Variants in SLC45A4 observed in about 807,000 individuals in gnomAD.
SLC45A4 encodes solute carrier family 45 member 4.
SLC45A4 carries 32 observed loss-of-function variants against 63.7 expected under a neutral mutation model. That is an observed-to-expected ratio of 0.50 (90% CI 0.38 to 0.67). The LOEUF is 0.67. Among genes scored for constraint, SLC45A4 ranks in the 30% least tolerant of loss-of-function variants. SLC45A4 has a pLI of 0.00. For missense variants in SLC45A4, 1,027 were observed against 1,157.7 expected (o/e 0.89, Z 1.64); for synonymous variants, 535 against 510.0 (o/e 1.05, Z -0.66).
chr8:141,261,382 G>T (rs1176519121), intron 1 of SLC45A4, among the ~76,000 whole-genome samples: 1 of 152,064 alleles, frequency 6.6e-6, no homozygotes, highest in Non-Finnish European at 1.5e-5. Context: ...GGGCAATTAG[G>T]CAGAAGAAGG....
At position 141,294,516 on chromosome 8, in the gene SLC45A4, G is replaced by T. The variant is rs559204359; in HGVS notation, c.-401+13580C>A. On this transcript the variant is annotated intron_variant, in intron 1 of 8. Coordinates refer to ENST00000517878, the MANE Select transcript of SLC45A4 (RefSeq NM_001286646.2). Reference sequence around the variant, plus strand: ...TTGCTGGGACACACGGTCCCTGCTGGTCCAAGGCTGGGACTGTGGAGCCCC... The same window carrying T: ...TTGCTGGGACACACGGTCCCTGCTGTTCCAAGGCTGGGACTGTGGAGCCCC... Among the ~76,000 whole-genome samples the T allele has an allele frequency of 3.9e-5, 6 of 152,358 alleles. No homozygotes were observed. In the East Asian group the frequency reaches 1.2e-3, roughly 29 times the overall value.
chr8:141,220,513 ATCAATGT>A (rs1826542670), intron 3 of SLC45A4, among the ~76,000 whole-genome samples: 1 of 152,134 alleles, frequency 6.6e-6, no homozygotes, highest in Non-Finnish European at 1.5e-5. Flanking sequence ...CTGAATCCAG[ATCAATGT>A]TGATGGCTGA....
At chr8:141,235,971 GTA>G (rs756135167) in intron 2 of SLC45A4, among the ~76,000 whole-genome samples, 1 of 152,132 alleles carries the variant, frequency 6.6e-6, no homozygotes, top group Non-Finnish European at 1.5e-5. Flanking sequence ...GGGTGTGGTG[GTA>G]TGTGCCTGTA....
At chr8:141,302,850 A>G (rs1243412397) in intron 1 of SLC45A4, among the ~76,000 whole-genome samples, 1 of 152,166 alleles carries the variant, frequency 6.6e-6, no homozygotes, top group Non-Finnish European at 1.5e-5. Context: ...AAAAACTTAC[A>G]AAATATTCCC....
At chr8:141,276,478 C>T (rs1829732188) in intron 1 of SLC45A4, among the ~76,000 whole-genome samples, 1 of 152,186 alleles carries the variant, frequency 6.6e-6, no homozygotes, top group Non-Finnish European at 1.5e-5. Flanking sequence ...CAGAAGCCTT[C>T]CCCAATCTGG....
chr8:141,262,580 A>G (rs1442247112), intron 1 of SLC45A4, among the ~76,000 whole-genome samples: 1 of 151,324 alleles, frequency 6.6e-6, no homozygotes, highest in African/African-American at 2.4e-5. Context: ...TTCTCAAAAG[A>G]AGACATTTAT....
At chr8:141,279,790 G>A (rs554067946) in intron 1 of SLC45A4, among the ~76,000 whole-genome samples, 1 of 152,364 alleles carries the variant, frequency 6.6e-6, no homozygotes, top group African/African-American at 2.4e-5. Flanking sequence ...CAGAATTAAA[G>A]GCTGCAAGTC....
intron 2 of SLC45A4, among the ~76,000 whole-genome samples, chr8:141,234,915 G>A (rs1827544922): frequency 6.6e-6 from 1 of 152,206 alleles, no homozygotes; most frequent in Non-Finnish European, 1.5e-5. Context: ...TGTCCCCCTT[G>A]GTGACCATGA....
At chr8:141,282,091 G>A (rs890558375) in intron 1 of SLC45A4, among the ~76,000 whole-genome samples, 2 of 152,170 alleles carry the variant, frequency 1.3e-5, no homozygotes, top group African/African-American at 4.8e-5. Flanking sequence ...AAGGATGCAT[G>A]GGAACCTCCT....
At chr8:141,230,304 G>A in intron 2 of SLC45A4, 2 of 358,258 alleles carry the variant, frequency 5.6e-6, no homozygotes, top group South Asian at 2.1e-5. Flanking sequence ...CAACAAGGGA[G>A]GGCCGCTCCT....
chr8:141,295,512 C>G (rs1830511604), intron 1 of SLC45A4, among the ~76,000 whole-genome samples: 1 of 152,228 alleles, frequency 6.6e-6, no homozygotes, highest in African/African-American at 2.4e-5. Flanking sequence ...CAGCAGGGGA[C>G]AGGTATAAGG....
Position 141,270,113 on chromosome 8 carries a change from C to T in SLC45A4, c.-400-15484G>A, listed in dbSNP as rs143665327. Among the ~76,000 whole-genome samples, 533 of 152,238 alleles carry T rather than the reference C, an allele frequency of 3.5e-3. 3 individuals carry two copies. The highest frequency in any genetic ancestry group is 0.012 in the African/African-American group (490 of 41,542). On this transcript the variant is annotated intron_variant, in intron 1 of 8. Transcript: ENST00000517878. ...TGCCCCACAGACCCTGAGGGCACAG[C>T]GCAGTTGGACTACCTCTGGGTCCAG...
intron 7 of SLC45A4, among the ~76,000 whole-genome samples, chr8:141,214,451 T>C (rs1489724204): frequency 1.3e-5 from 2 of 152,164 alleles, no homozygotes; most frequent in African/African-American, 2.4e-5. Context: ...GAAGGGCATG[T>C]CACACTGATG....
At chr8:141,261,352 A>G (rs2154614793) in intron 1 of SLC45A4, among the ~76,000 whole-genome samples, 1 of 152,258 alleles carries the variant, frequency 6.6e-6, no homozygotes, top group African/African-American at 2.4e-5. Context: ...TATTCAACAT[A>G]GTGTTGGAAG....
At chr8:141,211,783 A>G in intron 8 of SLC45A4, 86 bp from the exon 9 acceptor site, 3 of 1,384,130 alleles carry the variant, frequency 2.2e-6, no homozygotes, top group Non-Finnish European at 2.8e-6. Flanking sequence ...TTAGCAGAGA[A>G]TGTCAGATTT....
At chr8:141,251,490 T>C (rs1279339384) in intron 2 of SLC45A4, among the ~76,000 whole-genome samples, 2 of 151,940 alleles carry the variant, frequency 1.3e-5, no homozygotes, top group African/African-American at 4.8e-5. Context: ...ATGTGGGTTC[T>C]GTCCACCCTC....
chr8:141,301,855 A>G (rs1830756019), intron 1 of SLC45A4, among the ~76,000 whole-genome samples: 1 of 151,336 alleles, frequency 6.6e-6, no homozygotes, highest in Admixed American at 6.6e-5. Flanking sequence ...CCAGCTACTC[A>G]GGAGGCTGGA....
intron 1 of SLC45A4, among the ~76,000 whole-genome samples, chr8:141,277,645 C>T (rs985056160): frequency 6.6e-6 from 1 of 150,958 alleles, no homozygotes; most frequent in East Asian, 1.9e-4. Flanking sequence ...TATCTTTAAA[C>T]ATTTTTTTTT....
chr8:141,273,223 T>A (rs1012165702), intron 1 of SLC45A4, among the ~76,000 whole-genome samples: 7 of 152,210 alleles, frequency 4.6e-5, no homozygotes, highest in African/African-American at 2.4e-5. Context: ...CATGATCAGC[T>A]GAGTAGGTTT....
Sources: allele counts gnomAD v4.1 joint callset (sites outside exome capture counted in the v4.1 genomes callset), GRCh38; gene constraint gnomAD v4.1.1; transcripts MANE v1.5; gene names NCBI Gene and HGNC (gene_info 2026-07-23, HGNC 2026-07-21).